The following FAM222B variants were observed in gnomAD, a reference collection of about 807,000 sequenced individuals.
FAM222B encodes the protein protein FAM222B.
A neutral mutation model predicts 38.0 loss-of-function variants in FAM222B; 12 were observed. That is an observed-to-expected ratio of 0.32 (90% CI 0.20 to 0.51). FAM222B has a LOEUF of 0.51. Among genes scored for constraint, FAM222B ranks in the 20% least tolerant of loss-of-function variants. FAM222B has a pLI of 0.97. For missense variants in FAM222B, 716 were observed against 754.2 expected (o/e 0.95, Z 0.59); for synonymous variants, 329 against 317.2 (o/e 1.04, Z -0.40).
chr17:28,786,966 G>A (rs1040980192), intron 1 of FAM222B, among the ~76,000 whole-genome samples: 11 of 141,830 alleles, frequency 7.8e-5, no homozygotes, highest in Admixed American at 3.0e-4. Flanking sequence ...GTGCAGTGGC[G>A]CGATCTCGAG....
intron 1 of FAM222B, among the ~76,000 whole-genome samples, chr17:28,798,720 C>T (rs552403451): frequency 8.6e-5 from 13 of 151,436 alleles, no homozygotes; most frequent in African/African-American, 2.7e-4. Flanking sequence ...CTGCAAGCTC[C>T]GCCTCCCGGG....
upstream of FAM222B, among the ~76,000 whole-genome samples, chr17:28,844,362 TAAA>T (rs976523106): frequency 6.6e-6 from 1 of 152,020 alleles, no homozygotes; most frequent in African/African-American, 2.4e-5. Flanking sequence ...TGAGGAATGT[TAAA>T]AAAATTTAAA....
intron 1 of FAM222B, among the ~76,000 whole-genome samples, chr17:28,772,820 G>C (rs992850750): frequency 6.6e-6 from 1 of 152,076 alleles, no homozygotes; most frequent in African/African-American, 2.4e-5. Context: ...GCTTGAACTG[G>C]GGAGGCGGAG....
Position 28,759,650 on chromosome 17 carries a change from G to A in FAM222B, c.309C>T (p.Ala103=), listed in dbSNP as rs989151414. The A allele has an allele frequency of 1.9e-6, 3 of 1,613,096 alleles. No individual in the cohort carries two copies. In the African/African-American group the frequency reaches 4.0e-5, roughly 22 times the overall value. The change falls in exon 3 of 3, where the codon GCC becomes GCT. Residue 103 remains alanine, a synonymous_variant. Coordinates refer to ENST00000581407, the MANE Select transcript of FAM222B (RefSeq NM_001077498.3). The surrounding 1 kb of genome is among the most constrained non-coding windows in gnomAD (Gnocchi z 4.8). ...TQAATKAGLL[A]IVKVPAKSIL... ...TGCTTTTGGCTGGCACTTTGACAATGGCAAGCAGGCCTGCCTTGGTGGCAG... is the reference window on the plus strand; with the variant it reads ...TGCTTTTGGCTGGCACTTTGACAATAGCAAGCAGGCCTGCCTTGGTGGCAG...
At chr17:28,788,154 G>T (rs914221861) in intron 1 of FAM222B, among the ~76,000 whole-genome samples, 1 of 151,806 alleles carries the variant, frequency 6.6e-6, no homozygotes, top group Non-Finnish European at 1.5e-5. Flanking sequence ...CTAAAGTGTT[G>T]AAAGTACCAC....
intron 1 of FAM222B, among the ~76,000 whole-genome samples, chr17:28,778,719 ATTTTTTT>A (rs59098589): frequency 1.2e-4 from 3 of 25,494 alleles, no homozygotes; most frequent in African/African-American, 4.6e-4. Context: ...ATATATATAT[ATTTTTTT>A]TTTTTTTTTT....
chr17:28,769,370 A>G (rs2151795648), intron 1 of FAM222B, among the ~76,000 whole-genome samples: 1 of 151,596 alleles, frequency 6.6e-6, no homozygotes, highest in Non-Finnish European at 1.5e-5. Flanking sequence ...TTTAGTAGAG[A>G]TGGGGTTTCA....
At chr17:28,835,024 TTGTGTGTGTGTGTGTG>T (rs61229770) in intron 1 of FAM222B, among the ~76,000 whole-genome samples, 25 of 132,008 alleles carry the variant, frequency 1.9e-4, no homozygotes, top group Non-Finnish European at 2.9e-4. Context: ...TCAGCTAATT[TTGTGTGTGTGTGTGTG>T]TGTGTGTGTG....
intron 1 of FAM222B, among the ~76,000 whole-genome samples, chr17:28,805,049 A>AG (rs1016953650): frequency 6.8e-6 from 1 of 146,262 alleles, no homozygotes; most frequent in African/African-American, 2.5e-5. Context: ...CCATCTCAGG[A>AG]AAAAAAAAAA....
At chr17:28,778,166 T>C (rs1567817758) in intron 1 of FAM222B, among the ~76,000 whole-genome samples, 1 of 152,042 alleles carries the variant, frequency 6.6e-6, no homozygotes, top group Non-Finnish European at 1.5e-5. Flanking sequence ...TGTGCCATGG[T>C]AGTTTGCTGC....
chr17:28,798,774 T>C (rs188345247), intron 1 of FAM222B, among the ~76,000 whole-genome samples: 7 of 149,104 alleles, frequency 4.7e-5, no homozygotes, highest in East Asian at 2.1e-4. Flanking sequence ...AGCGCCACTA[T>C]GCCCGGCTAA....
chr17:28,808,670 G>A lies in FAM222B; in HGVS notation c.-41+34012C>T, dbSNP rs76246522. 3.5e-3 allele frequency among the ~76,000 whole-genome samples: 538 copies of A among 152,294 alleles called. 2 individuals are homozygous for A. The highest frequency in any genetic ancestry group is 5.7e-3 in the Non-Finnish European group (389 of 68,024). ...TCAGCTTCCAAGAGTCAAACCCTGG[G>A]GGAGGGGATTGTGCTTAAACACACA... On this transcript the variant is annotated intron_variant, in intron 1 of 2. Coordinates refer to ENST00000581407, the MANE Select transcript of FAM222B (RefSeq NM_001077498.3).
intron 2 of FAM222B, among the ~76,000 whole-genome samples, chr17:28,760,587 G>GAA (rs67512528): frequency 1.4e-4 from 20 of 142,124 alleles, no homozygotes; most frequent in Middle Eastern, 7.1e-3. Flanking sequence ...CTCAGAAAAA[G>GAA]AAAAAAAAAA....
chr17:28,779,309 AG>A (rs1388799928), intron 1 of FAM222B, among the ~76,000 whole-genome samples: 2 of 152,200 alleles, frequency 1.3e-5, no homozygotes, highest in African/African-American at 4.8e-5. Context: ...CAAATTCAAC[AG>A]CCCATTAAAA....
chr17:28,814,770 C>CT (rs35921944), intron 1 of FAM222B, among the ~76,000 whole-genome samples: 2,154 of 117,568 alleles, frequency 0.018, 49 homozygotes, highest in East Asian at 0.082. Context: ...CCAGGCCGAT[C>CT]TTTTTTTTTT....
intron 1 of FAM222B, among the ~76,000 whole-genome samples, chr17:28,772,810 G>A (rs775507002): frequency 2.6e-5 from 4 of 152,064 alleles, no homozygotes; most frequent in African/African-American, 4.8e-5. Context: ...CAGAAGAATC[G>A]CTTGAACTGG....
chr17:28,816,474 T>C (rs983544249), intron 1 of FAM222B, among the ~76,000 whole-genome samples: 5 of 151,984 alleles, frequency 3.3e-5, no homozygotes, highest in African/African-American at 1.2e-4. Flanking sequence ...GTAATATCCC[T>C]CTAGACTGAT....
At position 28,758,418 on chromosome 17, in the gene FAM222B, A is replaced by G. The variant is rs775298480; in HGVS notation, c.1541T>C (p.Val514Ala). 1.2e-6 allele frequency: 2 copies of G among 1,613,726 alleles called. No individual in the cohort carries two copies. Among genetic ancestry groups the G allele is most frequent in the South Asian group, 2.2e-5 (2 of 91,068 alleles). Reference protein sequence around the residue: ...VASQNSLMQTVDYLSGDFQQA... With the variant: ...VASQNSLMQTADYLSGDFQQA... ...TTGGAAATCCCCACTTAGGTAATCC[A>G]CTGTTTGCATCAAGCTGTTCTGGCT... The change falls in exon 3 of 3, where the codon GTG becomes GCG. Residue 514 changes from valine to alanine, a missense_variant. Transcript: ENST00000581407.
chr17:28,774,172 T>C (rs374472788), intron 1 of FAM222B, among the ~76,000 whole-genome samples: 14 of 151,170 alleles, frequency 9.3e-5, no homozygotes, highest in African/African-American at 2.9e-4. Context: ...CTGGACAGAA[T>C]TGACTGGGGT....
Sources: gnomAD v4.1 joint callset for allele counts (sites outside exome capture counted in the v4.1 genomes callset) on GRCh38, gnomAD v4.1.1 for gene constraint, Gnocchi (gnomAD v3.1) non-coding constraint, MANE v1.5 for transcripts, NCBI Gene and HGNC (gene_info 2026-07-23, HGNC 2026-07-21) for gene names.